The following SLC25A10 variants were observed in gnomAD, a reference collection of about 807,000 sequenced individuals.
SLC25A10 encodes solute carrier family 25 member 10.
In SLC25A10, 32 loss-of-function variants were observed where a neutral mutation model predicts 40.4. The observed-to-expected ratio is 0.79, with a 90% CI of 0.60 to 1.06. The LOEUF (loss-of-function observed/expected upper bound fraction) is 1.06. SLC25A10 is among the 50% of genes least tolerant of loss of function. SLC25A10 has a pLI of 0.00. For synonymous variants in SLC25A10, 181 were observed against 171.1 expected, an observed-to-expected ratio of 1.06 and a Z score of -0.45; for missense variants, 394 against 402.6, an observed-to-expected ratio of 0.98 and a Z score of 0.18.
Position 81,712,498 on chromosome 17 carries a change from G to A in SLC25A10, c.72G>A (p.Thr24=), listed in dbSNP as rs1467082408. Residue 24 remains threonine, a synonymous_variant, in exon 1 of 11, where the codon ACG becomes ACA. Coordinates refer to ENST00000350690, the MANE Select transcript of SLC25A10 (RefSeq NM_012140.5). ...CCTCCTGCGGGGCCGCCTGCTGCAC[G>A]CACCCGCTGGACCTGCTCAAGGTGA... ...GLASCGAACC[T]HPLDLLKVHL... The A allele has an allele frequency of 1.5e-6, 2 of 1,300,880 alleles. No individual in the cohort carries two copies. Among genetic ancestry groups the A allele is most frequent in the Non-Finnish European group, 1.9e-6 (2 of 1,026,792 alleles). 80.6% of individuals were successfully genotyped at this position (1,300,880 alleles called of 1,614,324 possible). A position where few individuals can be genotyped will look rare whatever the true frequency, so the allele number is the denominator to read the frequency against.
Position 81,715,558 on chromosome 17 carries a change from C to T in SLC25A10, c.294C>T (p.Pro98=), listed in dbSNP as rs539210071. The change falls in exon 3 of 11, where the codon CCC becomes CCT. Residue 98 remains proline (P), a synonymous_variant. Transcript: ENST00000350690. ...CCAAGGGCAGCCAGGGGCCTCTCCCCTTCCACGAGAAGGTGTTGCTGGGCT... is the reference window on the plus strand; with the variant it reads ...CCAAGGGCAGCCAGGGGCCTCTCCCTTTCCACGAGAAGGTGTTGCTGGGCT... ...RVAKGSQGPL[P]FHEKVLLGSV... The T allele has an allele frequency of 1.1e-5, 17 of 1,612,824 alleles. No homozygotes were observed. Among genetic ancestry groups the T allele is most frequent in the Non-Finnish European group, 1.4e-5 (16 of 1,179,870 alleles).
chr17:81,719,955 A>G, intron 10 of SLC25A10, 21 bp from the exon 11 acceptor site: 1 of 1,613,438 alleles, frequency 6.2e-7, no homozygotes, highest in Non-Finnish European at 8.5e-7. Flanking sequence ...TGTGTCTCTC[A>G]TTTTCCCTGT....
In SLC25A10 at chr17:81,720,386, C is replaced by T. The variant is rs2037568837; in HGVS notation, c.*309C>T. On this transcript the variant is annotated 3_prime_UTR_variant, in exon 11 of 11. Transcript: ENST00000350690. ...ACCAGAGGCTGATTTCTCCCCTCTC[C>T]TGGGCCAGGGGAGGGGTATTATCCC... The T allele has an allele frequency of 1.0e-5, 14 of 1,406,546 alleles. No individual in the cohort carries two copies. Among genetic ancestry groups the T allele is most frequent in the Non-Finnish European group, 9.2e-6 (10 of 1,086,770 alleles). The allele number at this position is 1,406,546 out of a possible 1,614,324, so 87.1% of individuals were successfully genotyped here. A position where few individuals can be genotyped will look rare whatever the true frequency, so the allele number is the denominator to read the frequency against.
rs753147525 is a variant in SLC25A10 at position 81,717,479 on chromosome 17, CA to C, written c.616del (p.Ser206AlafsTer18). ...ACAACATCTTCACTCACTTTGTCGC[CA>C]GCTTTATTGCAGTAAGTGGCCGGCA... is the stretch of plus-strand genomic sequence containing the variant. ...SDNIFTHFVASFIAGGCATFL... is the reference protein window; with the variant it reads ...SDNIFTHFVAXFIAGGCATFL... On this transcript the variant is annotated frameshift_variant, in exon 8 of 11. Coordinates refer to ENST00000350690, the MANE Select transcript of SLC25A10 (RefSeq NM_012140.5). LOFTEE classifies it high-confidence loss of function. 2 of 1,613,634 alleles carry C rather than the reference CA, an allele frequency of 1.2e-6. No individual in the cohort carries two copies. Among genetic ancestry groups the C allele is most frequent in the South Asian group, 2.2e-5 (2 of 91,086 alleles).
rs912892278 is a variant in SLC25A10 at position 81,720,371 on chromosome 17, G to C, written c.*294G>C. 6 of 1,409,610 alleles carry C rather than the reference G, an allele frequency of 4.3e-6. No individual in the cohort carries two copies. In the African/African-American group the frequency reaches 5.8e-5, roughly 14 times the overall value. 87.3% of individuals were successfully genotyped at this position (1,409,610 alleles called of 1,614,324 possible). A position where few individuals can be genotyped will look rare whatever the true frequency, so the allele number is the denominator to read the frequency against. On this transcript the variant is annotated 3_prime_UTR_variant, in exon 11 of 11. Transcript: ENST00000350690. ...AGGGGAACAGGGGCTACCAGAGGCT[G>C]ATTTCTCCCCTCTCCTGGGCCAGGG...
At position 81,715,543 on chromosome 17, in the gene SLC25A10, C is replaced by T; in HGVS notation, c.279C>T (p.Ser93=). ...TGCGGGACCGTGTGGCCAAGGGCAG[C>T]CAGGGGCCTCTCCCCTTCCACGAGA... The part of the protein sequence containing the change: ...ETVRDRVAKG[S]QGPLPFHEKV... The change falls in exon 3 of 11, where the codon AGC becomes AGT. Residue 93 remains serine (S), a synonymous_variant. Coordinates refer to ENST00000350690, the MANE Select transcript of SLC25A10 (RefSeq NM_012140.5). 6.2e-7 allele frequency: 1 copy of T among 1,612,956 alleles called. No individual in the cohort carries two copies. The highest frequency in any genetic ancestry group is 1.1e-5 in the South Asian group (1 of 91,082).
chr17:81,712,934 C>T (rs1420473224), intron 1 of SLC25A10, among the ~76,000 whole-genome samples: 1 of 152,218 alleles, frequency 6.6e-6, no homozygotes, highest in Non-Finnish European at 1.5e-5. Context: ...CATCTAGAGA[C>T]GTGCTGGCTG....
rs2037395558 is a variant in SLC25A10 at position 81,712,328 on chromosome 17, C to A, written c.-99C>A. 1.2e-6 allele frequency: 1 copy of A among 847,764 alleles called. No individual in the cohort carries two copies. The highest frequency in any genetic ancestry group is 1.5e-6 in the Non-Finnish European group (1 of 657,996). 52.5% of individuals were successfully genotyped at this position (847,764 alleles called of 1,614,324 possible). A position where few individuals can be genotyped will look rare whatever the true frequency, so the allele number is the denominator to read the frequency against. On this transcript the variant is annotated 5_prime_UTR_variant, in exon 1 of 11. Coordinates refer to ENST00000350690, the MANE Select transcript of SLC25A10 (RefSeq NM_012140.5). ...CGGGCGCGCGGGCGGCGCTTTGAAC[C>A]GGGCGCGGGGCGCGGGGCGCGGGGC...
intron 1 of SLC25A10, among the ~76,000 whole-genome samples, chr17:81,713,018 G>C (rs1359768444): frequency 6.6e-6 from 1 of 152,190 alleles, no homozygotes; most frequent in African/African-American, 2.4e-5. Context: ...GTGTCCCTGG[G>C]CAAGTGGGGT....
intron 5 of SLC25A10, 52 bp downstream of exon 5, chr17:81,716,102 G>A (rs372139607): frequency 1.7e-5 from 26 of 1,552,862 alleles, no homozygotes; most frequent in African/African-American, 2.7e-5. Flanking sequence ...AGGCTCGGGC[G>A]GGAGCGGACC....
chr17:81,713,462 G>A, intron 1 of SLC25A10: 1 of 985,488 alleles, frequency 1.0e-6, no homozygotes, highest in Non-Finnish European at 1.2e-6. Context: ...TGAGGGGACT[G>A]GCTTTACTAA....
intron 1 of SLC25A10, 32 bp from the exon 2 acceptor site, chr17:81,714,921 G>T: frequency 6.2e-7 from 1 of 1,601,882 alleles, no homozygotes. Context: ...CCTCGGGGTC[G>T]CTGTGGGGTC....
rs1040566102 is a variant in SLC25A10 at position 81,712,324 on chromosome 17, G to C, written c.-103G>C. 6.4e-5 allele frequency: 52 copies of C among 815,814 alleles called. No individual in the cohort carries two copies. Among genetic ancestry groups the C allele is most frequent in the Non-Finnish European group, 7.9e-5 (50 of 630,914 alleles). 50.5% of individuals were successfully genotyped at this position (815,814 alleles called of 1,614,324 possible). A position where few individuals can be genotyped will look rare whatever the true frequency, so the allele number is the denominator to read the frequency against. On this transcript the variant is annotated 5_prime_UTR_variant, in exon 1 of 11. Transcript: ENST00000350690. The stretch of plus-strand genomic sequence containing the variant: ...GGTGCGGGCGCGCGGGCGGCGCTTT[G>C]AACCGGGCGCGGGGCGCGGGGCGCG...
chr17:81,715,465 C>T lies in SLC25A10; in HGVS notation c.214-13C>T, dbSNP rs1349484918. The T allele has an allele frequency of 3.1e-6, 5 of 1,607,324 alleles. No individual in the cohort carries two copies. The African/African-American group carries it at 5.3e-5, about 17-fold the overall frequency. On this transcript the variant is annotated splice_polypyrimidine_tract_variant and intron_variant, in intron 2 of 10. Coordinates refer to ENST00000350690, the MANE Select transcript of SLC25A10 (RefSeq NM_012140.5). The stretch of plus-strand genomic sequence containing the variant: ...GCGTGCCCGTCCCTCCAAGCCAGGC[C>T]CTTCTCCCCCAGATGACCTACTCCC...
chr17:81,713,343 G>A (rs1235250413), intron 1 of SLC25A10: 4 of 517,294 alleles, frequency 7.7e-6, no homozygotes, highest in Non-Finnish European at 7.5e-6. Flanking sequence ...TGCACAGTCT[G>A]CCCAGCAGGC....
chr17:81,719,893 G>T lies in SLC25A10; in HGVS notation c.762+6G>T. The stretch of plus-strand genomic sequence containing the variant: ...GGCCTCTGGCCTTTTACAAGGTGCA[G>T]TGGTGGCGGCAGTGGCGGCTTGGGC... On this transcript the variant is annotated splice_donor_region_variant and intron_variant, in intron 10 of 10. Transcript: ENST00000350690. 1 of 1,613,862 alleles carries T rather than the reference G, an allele frequency of 6.2e-7. No individual in the cohort carries two copies. Among genetic ancestry groups the T allele is most frequent in the Non-Finnish European group, 8.5e-7 (1 of 1,179,994 alleles).
At chr17:81,712,775 G>A (rs2037408764) in intron 1 of SLC25A10, among the ~76,000 whole-genome samples, 1 of 152,218 alleles carries the variant, frequency 6.6e-6, no homozygotes. Flanking sequence ...GGCAGGTGGC[G>A]ATCCAGCCCC....
chr17:81,713,456 G>A, intron 1 of SLC25A10: 1 of 985,450 alleles, frequency 1.0e-6, no homozygotes, highest in South Asian at 4.7e-5. Flanking sequence ...AGCCTTTGAG[G>A]GGACTGGCTT....
At position 81,716,849 on chromosome 17, in the gene SLC25A10, C is replaced by T. The variant is rs193236167; in HGVS notation, c.457C>T (p.Arg153Cys). ...HALDGLYRVA[R>C]EEGLRRLFSG... ...GCTGGATGGCCTGTACCGCGTAGCT[C>T]GTGAAGGTGAGGGGCAGGTGCTGTG... is the stretch of plus-strand genomic sequence containing the variant. The change falls in exon 6 of 11, where the codon CGT becomes TGT. Residue 153 changes from arginine to cysteine, a missense_variant. Coordinates refer to ENST00000350690, the MANE Select transcript of SLC25A10 (RefSeq NM_012140.5). The T allele has an allele frequency of 7.1e-5, 114 of 1,611,018 alleles. No homozygotes were observed. The highest frequency in any genetic ancestry group is 6.0e-4 in the East Asian group (27 of 44,782).
Sources: allele counts gnomAD v4.1 joint callset (sites outside exome capture counted in the v4.1 genomes callset), GRCh38; gene constraint gnomAD v4.1.1; transcripts MANE v1.5; gene names NCBI Gene and HGNC (gene_info 2026-07-23, HGNC 2026-07-21).